Variants in HCN1 observed in about 807,000 individuals in gnomAD.
HCN1 encodes potassium/sodium hyperpolarization-activated cyclic nucleotide-gated channel 1.
A neutral mutation model predicts 78.9 loss-of-function variants in HCN1; 13 were observed. That is an observed-to-expected ratio of 0.16 (90% CI 0.11 to 0.26). HCN1 has a LOEUF of 0.26. Among genes scored for constraint, HCN1 ranks in the 10% least tolerant of loss-of-function variants. The pLI, the probability that HCN1 is intolerant of heterozygous loss-of-function variation, is 1.00. For synonymous variants in HCN1, 552 were observed against 455.5 expected (o/e 1.21, Z -2.70); for missense variants, 810 against 1,154.3 (o/e 0.70, Z 4.32).
chr5:45,599,201 T>C (rs1193356104), intron 2 of HCN1, among the ~76,000 whole-genome samples: 5 of 152,102 alleles, frequency 3.3e-5, no homozygotes, highest in Non-Finnish European at 7.4e-5. Flanking sequence ...AAATGTGGCA[T>C]GTGTACACCA....
At chr5:45,461,671 A>G (rs1023578733) in intron 3 of HCN1, among the ~76,000 whole-genome samples, 175 bp downstream of exon 3, 1 of 152,158 alleles carries the variant, frequency 6.6e-6, no homozygotes, top group Non-Finnish European at 1.5e-5. Context: ...AATTAGTAAA[A>G]TTTAGTTGTA....
intron 2 of HCN1, chr5:45,641,759 T>C (rs1309339143): frequency 6.6e-6 from 1 of 152,180 alleles, no homozygotes; most frequent in Non-Finnish European, 1.5e-5. Flanking sequence ...TCATCTCCTG[T>C]TGATAAAATG....
At chr5:45,385,976 A>C (rs1203490185) in intron 4 of HCN1, among the ~76,000 whole-genome samples, 1 of 152,160 alleles carries the variant, frequency 6.6e-6, no homozygotes, top group Non-Finnish European at 1.5e-5. Flanking sequence ...TCTCATTGTA[A>C]TAAAAATACA....
chr5:45,309,506 C>G (rs993595735), intron 5 of HCN1, among the ~76,000 whole-genome samples: 1 of 152,102 alleles, frequency 6.6e-6, no homozygotes, highest in Non-Finnish European at 1.5e-5. Flanking sequence ...GTGGGTTTGT[C>G]ATATATGGCT....
At chr5:45,345,339 A>G (rs867831425) in intron 5 of HCN1, among the ~76,000 whole-genome samples, 1 of 151,988 alleles carries the variant, frequency 6.6e-6, no homozygotes, top group African/African-American at 2.4e-5. Flanking sequence ...CCCTGGAGAT[A>G]TTTTCTCCAT....
intron 2 of HCN1, among the ~76,000 whole-genome samples, chr5:45,621,781 A>G (rs983611361): frequency 6.6e-6 from 1 of 152,242 alleles, no homozygotes; most frequent in African/African-American, 2.4e-5. Context: ...GATTTTGCCA[A>G]CAAGAATCAA....
chr5:45,455,035 G>T (rs1320216067), intron 3 of HCN1, among the ~76,000 whole-genome samples: 1 of 152,014 alleles, frequency 6.6e-6, no homozygotes, highest in Non-Finnish European at 1.5e-5. Context: ...TACTTGAAAT[G>T]AATGTCTCTC....
chr5:45,334,366 T>G lies in HCN1; in HGVS notation c.1377+18734A>C, dbSNP rs978861528. ...ATTCCACATGTGCTTCCAAATTTAGTGCAAACTCTTTCCACTGAGGACTTT... is the reference window on the plus strand; with the variant it reads ...ATTCCACATGTGCTTCCAAATTTAGGGCAAACTCTTTCCACTGAGGACTTT... On this transcript the variant is annotated intron_variant, in intron 5 of 7. Coordinates refer to ENST00000303230, the MANE Select transcript of HCN1 (RefSeq NM_021072.4). Among the ~76,000 whole-genome samples the G allele has an allele frequency of 2.6e-5, 4 of 151,832 alleles. No homozygotes were observed. In the Admixed American group the frequency reaches 2.6e-4, roughly 10 times the overall value.
intron 1 of HCN1, among the ~76,000 whole-genome samples, chr5:45,693,845 A>C (rs1459439125): frequency 7.9e-5 from 12 of 152,194 alleles, no homozygotes; most frequent in Non-Finnish European, 1.8e-4. Context: ...TATTGAGTGA[A>C]ATTAAATGTT....
intron 4 of HCN1, among the ~76,000 whole-genome samples, chr5:45,378,565 C>T (rs936500748): frequency 2.6e-5 from 4 of 151,994 alleles, no homozygotes; most frequent in African/African-American, 7.2e-5. Context: ...GTCTATCTAT[C>T]CATTCATTGA....
chr5:45,630,616 C>T (rs1321542094), intron 2 of HCN1, among the ~76,000 whole-genome samples: 1 of 152,124 alleles, frequency 6.6e-6, no homozygotes, highest in Non-Finnish European at 1.5e-5. Context: ...TCTCTGTATA[C>T]CTAAGCTATG....
At chr5:45,437,255 T>C (rs1352747991) in intron 3 of HCN1, among the ~76,000 whole-genome samples, 5 of 152,322 alleles carry the variant, frequency 3.3e-5, no homozygotes, top group Non-Finnish European at 7.3e-5. Flanking sequence ...ATCAGTTCCA[T>C]TGTATCATAG....
intron 4 of HCN1, among the ~76,000 whole-genome samples, chr5:45,373,209 T>C (rs1283488314): frequency 8.2e-6 from 1 of 122,244 alleles, no homozygotes; most frequent in Non-Finnish European, 1.6e-5. Context: ...ATATTTTATA[T>C]ATGTTATATA....
chr5:45,262,335 CG>C lies in HCN1; in HGVS notation c.2258del (p.Pro753ArgfsTer27). On this transcript the variant is annotated frameshift_variant, in exon 8 of 8. Coordinates refer to ENST00000303230, the MANE Select transcript of HCN1 (RefSeq NM_021072.4). LOFTEE classifies it high-confidence loss of function. ...PPQTQPQQPS[P>X]QPQTPGSSTP... ...TGGAGCTGCCAGGTGTCTGTGGCTG[CG>C]GGGACGGCTGCTGTGGCTGAGTCTG... is the stretch of plus-strand genomic sequence containing the variant. The C allele has an allele frequency of 6.2e-7, 1 of 1,613,376 alleles. No homozygotes were observed.
At chr5:45,634,541 T>C (rs1433978720) in intron 2 of HCN1, among the ~76,000 whole-genome samples, 1 of 151,986 alleles carries the variant, frequency 6.6e-6, no homozygotes, top group Admixed American at 6.6e-5. Flanking sequence ...TCTAATATTA[T>C]TCTAAAGTCA....
intron 4 of HCN1, 22 bp from the exon 5 acceptor site, chr5:45,353,268 A>G (rs760271761): frequency 2.6e-6 from 4 of 1,554,810 alleles, no homozygotes; most frequent in Non-Finnish European, 3.5e-6. Flanking sequence ...GGAAAATAAA[A>G]TTAAAAAAAA....
rs764843262 is a variant in HCN1 at position 45,377,804 on chromosome 5, A to G, written c.1230+18688T>C. On this transcript the variant is annotated intron_variant, in intron 4 of 7. Coordinates refer to ENST00000303230, the MANE Select transcript of HCN1 (RefSeq NM_021072.4). ...ACAAATTGGGTTGTAGCTCAAACCT[A>G]CAGCTAGTGGAAGAAAGCCTCCCAA... is the stretch of plus-strand genomic sequence containing the variant. 7.9e-5 allele frequency among the ~76,000 whole-genome samples: 12 copies of G among 152,132 alleles called. No homozygotes were observed. In the South Asian group the frequency reaches 1.9e-3, roughly 24 times the overall value.
rs1194746772 is a variant in HCN1, at chr5:45,558,817, A to G, written c.849+86368T>C. On this transcript the variant is annotated intron_variant, in intron 2 of 7. Coordinates refer to ENST00000303230, the MANE Select transcript of HCN1 (RefSeq NM_021072.4). ...AGGATCTTGCTCTGTCACCCAGGCT[A>G]GAGTGTGGTGGCATTATCATAGCTT... is the stretch of plus-strand genomic sequence containing the variant. 4 of 151,926 alleles carry G rather than the reference A, an allele frequency of 2.6e-5. No individual in the cohort carries two copies. In the East Asian group the frequency reaches 5.8e-4, roughly 22 times the overall value. 9.4% of individuals were successfully genotyped at this position (151,926 alleles called of 1,614,324 possible).
At chr5:45,537,170 T>C (rs1235440646) in intron 2 of HCN1, among the ~76,000 whole-genome samples, 2 of 152,206 alleles carry the variant, frequency 1.3e-5, no homozygotes, top group Non-Finnish European at 2.9e-5. Context: ...GGGTACTGCC[T>C]TAGGCATAAA....
Sources: allele counts gnomAD v4.1 joint callset (sites outside exome capture counted in the v4.1 genomes callset), GRCh38; gene constraint gnomAD v4.1.1; transcripts MANE v1.5; gene names NCBI Gene and HGNC (gene_info 2026-07-23, HGNC 2026-07-21).